The following ZKSCAN5 variants were observed in gnomAD, a reference collection of about 807,000 sequenced individuals.
ZKSCAN5 encodes the protein zinc finger protein with KRAB and SCAN domains 5.
ZKSCAN5 carries 28 observed loss-of-function variants against 60.0 expected under a neutral mutation model. The ratio of observed to expected loss-of-function variants is 0.47; its 90% confidence interval spans 0.35 to 0.64. The LOEUF (loss-of-function observed/expected upper bound fraction) is 0.64, where lower values mean the gene tolerates loss of function less well. Among genes scored for constraint, ZKSCAN5 ranks in the 30% least tolerant of loss-of-function variants. ZKSCAN5 has a pLI of 0.01. For missense variants in ZKSCAN5, 881 were observed against 1,034.6 expected (o/e 0.85, Z 2.04); for synonymous variants, 361 against 371.2 (o/e 0.97, Z 0.31).
rs748642564 is a variant in ZKSCAN5, at chr7:99,526,297, G to A, written c.1257G>A (p.Gln419=). The change falls in exon 6 of 7, where the codon CAG becomes CAA. Residue 419 remains glutamine, a synonymous_variant. Coordinates refer to ENST00000326775, the MANE Select transcript of ZKSCAN5 (RefSeq NM_145102.4). ...TCCGGGTGAGTTCCCACCTGGTTCA[G>A]CACCACAGTGTCCACAGCGGAGAGA... ...KAFRVSSHLV[Q]HHSVHSGERP... 7 of 1,612,676 alleles carry A rather than the reference G, an allele frequency of 4.3e-6. No individual in the cohort carries two copies. Among genetic ancestry groups the A allele is most frequent in the African/African-American group, 4.0e-5 (3 of 74,926 alleles).
intron 3 of ZKSCAN5, among the ~76,000 whole-genome samples, chr7:99,517,984 T>A (rs1309850948): frequency 6.6e-6 from 1 of 152,040 alleles, no homozygotes; most frequent in African/African-American, 2.4e-5. Flanking sequence ...ATTCCTGAGA[T>A]GGGCAGAGAG....
chr7:99,512,497 T>A lies in ZKSCAN5; in HGVS notation c.459T>A (p.Pro153=), dbSNP rs1801079461. The A allele has an allele frequency of 2.2e-5, 36 of 1,614,020 alleles. No individual in the cohort carries two copies. Among genetic ancestry groups the A allele is most frequent in the Non-Finnish European group, 3.0e-5 (35 of 1,179,910 alleles). ...TGCTTCCTCGGAAGATGGCAACACC[T>A]GGAGCAGTGCAGGAGTCCTGCAGCC... ...PDVLPRKMAT[P]GAVQESCSPH... The change falls in exon 3 of 7, where the codon CCT becomes CCA. Residue 153 remains proline (P), a synonymous_variant. Coordinates refer to ENST00000326775, the MANE Select transcript of ZKSCAN5 (RefSeq NM_145102.4).
chr7:99,524,965 G>A (rs908081503), intron 5 of ZKSCAN5, among the ~76,000 whole-genome samples: 2 of 150,276 alleles, frequency 1.3e-5, no homozygotes, highest in African/African-American at 2.5e-5. Context: ...TCAGGAGTTC[G>A]AGACCACCTG....
At chr7:99,511,503 G>C (rs1475735980) in intron 2 of ZKSCAN5, among the ~76,000 whole-genome samples, 1 of 151,998 alleles carries the variant, frequency 6.6e-6, no homozygotes, top group Non-Finnish European at 1.5e-5. Context: ...GAGTGCAGTG[G>C]TGTGTCATAG....
At chr7:99,522,891 G>A (rs1205576778) in intron 5 of ZKSCAN5, among the ~76,000 whole-genome samples, 3 of 147,292 alleles carry the variant, frequency 2.0e-5, no homozygotes, top group East Asian at 2.0e-4. Context: ...AGGCTGGGCC[G>A]TGGTGTCTCA....
chr7:99,514,440 T>C (rs1165348641), intron 3 of ZKSCAN5, among the ~76,000 whole-genome samples: 1 of 152,220 alleles, frequency 6.6e-6, no homozygotes, highest in Non-Finnish European at 1.5e-5. Context: ...TTTGGAATTC[T>C]CAACCGTGTT....
intron 6 of ZKSCAN5, among the ~76,000 whole-genome samples, chr7:99,526,677 C>T (rs1801810281): frequency 6.6e-6 from 1 of 152,202 alleles, no homozygotes; most frequent in South Asian, 2.1e-4. Context: ...GCCTCAGCCT[C>T]CCAAGTAGCT....
At chr7:99,510,183 G>A (rs1038180040) in intron 2 of ZKSCAN5, among the ~76,000 whole-genome samples, 5 of 150,646 alleles carry the variant, frequency 3.3e-5, no homozygotes, top group Non-Finnish European at 4.4e-5. Context: ...ATCCTCCTGC[G>A]TTGGCCTCCC....
Position 99,506,142 on chromosome 7 carries a change from A to C in ZKSCAN5, c.98A>C (p.Glu33Ala), listed in dbSNP as rs1199727968. The C allele has an allele frequency of 1.2e-6, 2 of 1,614,072 alleles. No individual in the cohort carries two copies. The highest frequency in any genetic ancestry group is 1.7e-6 in the Non-Finnish European group (2 of 1,180,048). Residue 33 changes from glutamate (E) to alanine (A), a missense_variant, in exon 2 of 7, where the codon GAA (glutamate) becomes GCA (alanine). Coordinates refer to ENST00000326775, the MANE Select transcript of ZKSCAN5 (RefSeq NM_145102.4). Reference protein sequence around the residue: ...EDLFIVKVEEEDCTWMQEYNP... With the variant: ...EDLFIVKVEEADCTWMQEYNP... ...CTTTTCATAGTGAAGGTGGAAGAAGAAGACTGCACCTGGATGCAGGAGTAC... is the reference window on the plus strand; with the variant it reads ...CTTTTCATAGTGAAGGTGGAAGAAGCAGACTGCACCTGGATGCAGGAGTAC...
rs778604339 is a variant in ZKSCAN5, at chr7:99,533,361, G to T, written c.*1112G>T. 33 of 599,066 alleles carry T rather than the reference G, an allele frequency of 5.5e-5. No individual in the cohort carries two copies. Among genetic ancestry groups the T allele is most frequent in the Non-Finnish European group, 9.5e-5 (31 of 325,012 alleles). The allele number at this position is 599,066 out of a possible 1,614,324, so 37.1% of individuals were successfully genotyped here. ...GTGTGAGAGAGTTCTGAGCCTGTTT[G>T]CTAGGGAGAGTGAGTGAGTGCTCTT... On this transcript the variant is annotated 3_prime_UTR_variant, in exon 7 of 7. Coordinates refer to ENST00000326775, the MANE Select transcript of ZKSCAN5 (RefSeq NM_145102.4).
intron 3 of ZKSCAN5, among the ~76,000 whole-genome samples, chr7:99,519,143 T>C (rs1801403913): frequency 6.6e-6 from 1 of 151,100 alleles, no homozygotes; most frequent in South Asian, 2.1e-4. Flanking sequence ...ACCCGGCTAA[T>C]TTTTGTATTT....
rs771135310 is a variant in ZKSCAN5 at position 99,506,085 on chromosome 7, C to A, written c.41C>A (p.Pro14His). Residue 14 changes from proline (P) to histidine (H), a missense_variant, in exon 2 of 7, where the codon CCC (proline) becomes CAC (histidine). Pro to His is a moderately conservative substitution (Grantham distance 77). This residue lies in a region of ZKSCAN5 where 88 missense variants were observed against 65.2 expected (regional missense o/e 1.35). Transcript: ENST00000326775. ...TESREVIDLD[P>H]PAETSQEQED... is the part of the protein sequence containing the mutation. Reference sequence around the variant, plus strand: ...TCCCGAGAAGTTATAGACTTAGACCCCCCAGCTGAGACTTCCCAGGAGCAG... The same window carrying A: ...TCCCGAGAAGTTATAGACTTAGACCACCCAGCTGAGACTTCCCAGGAGCAG... 6.2e-7 allele frequency: 1 copy of A among 1,614,136 alleles called. No homozygotes were observed. Among genetic ancestry groups the A allele is most frequent in the Non-Finnish European group, 8.5e-7 (1 of 1,180,026 alleles).
In ZKSCAN5 at chr7:99,525,928, T is replaced by C; in HGVS notation, c.888T>C (p.Phe296=). 1 of 1,614,028 alleles carries C rather than the reference T, an allele frequency of 6.2e-7. No individual in the cohort carries two copies. Among genetic ancestry groups the C allele is most frequent in the Non-Finnish European group, 8.5e-7 (1 of 1,180,022 alleles). The change falls in exon 6 of 7, where the codon TTT becomes TTC. Residue 296 remains phenylalanine, a synonymous_variant. Coordinates refer to ENST00000326775, the MANE Select transcript of ZKSCAN5 (RefSeq NM_145102.4). ...TERSVPQDPD[F]AEVSDLKGMV... The stretch of plus-strand genomic sequence containing the variant: ...GGAGCGTTCCTCAGGATCCAGACTT[T>C]GCAGAAGTCAGTGACCTTAAAGGCA...
In ZKSCAN5 at chr7:99,531,092, T is replaced by C; in HGVS notation, c.1379-16T>C. 6.4e-7 allele frequency: 1 copy of C among 1,560,950 alleles called. No individual in the cohort carries two copies. The highest frequency in any genetic ancestry group is 8.6e-7 in the Non-Finnish European group (1 of 1,159,838). ...AAGAACTGATGACATTTTCACTTGC[T>C]CTTTATTTTTTTTAGGCAGTGACAA... On this transcript the variant is annotated splice_polypyrimidine_tract_variant and intron_variant, in intron 6 of 6. Transcript: ENST00000326775.
intron 5 of ZKSCAN5, among the ~76,000 whole-genome samples, chr7:99,524,211 C>T (rs564556356): frequency 3.3e-5 from 5 of 151,910 alleles, no homozygotes; most frequent in Non-Finnish European, 7.4e-5. Flanking sequence ...GCTGGGATTA[C>T]AGGTGTGTGC....
chr7:99,513,533 A>G (rs1386178270), intron 3 of ZKSCAN5, among the ~76,000 whole-genome samples: 1 of 151,990 alleles, frequency 6.6e-6, no homozygotes, highest in Non-Finnish European at 1.5e-5. Flanking sequence ...AGCTGGGACT[A>G]CAGGTGCCTG....
At chr7:99,529,767 G>A (rs919835511) in intron 6 of ZKSCAN5, among the ~76,000 whole-genome samples, 5 of 151,808 alleles carry the variant, frequency 3.3e-5, no homozygotes, top group Non-Finnish European at 7.4e-5. Context: ...ATGGAGTCTC[G>A]CTGTGTTGCC....
intron 5 of ZKSCAN5, 121 bp from the exon 6 acceptor site, chr7:99,525,690 TAA>T (rs1801745902): frequency 1.5e-6 from 2 of 1,354,450 alleles, no homozygotes; most frequent in South Asian, 2.9e-5. Flanking sequence ...CCCTGTACTG[TAA>T]AAGTCCCTTT....
Position 99,532,425 on chromosome 7 carries a change from T to C in ZKSCAN5, c.*176T>C, listed in dbSNP as rs1257163357. The C allele has an allele frequency of 2.0e-6, 1 of 511,754 alleles. No individual in the cohort carries two copies. The highest frequency in any genetic ancestry group is 3.2e-5 in the East Asian group (1 of 30,988). The allele number at this position is 511,754 out of a possible 1,614,324, so 31.7% of individuals were successfully genotyped here. A position where few individuals can be genotyped will look rare whatever the true frequency, so the allele number is the denominator to read the frequency against. On this transcript the variant is annotated 3_prime_UTR_variant, in exon 7 of 7. Coordinates refer to ENST00000326775, the MANE Select transcript of ZKSCAN5 (RefSeq NM_145102.4). ...GGAGAACCCACAATAATAGAAATCTTTTCGTGTTCCCCATTGAGAAATGCT... is the reference window on the plus strand; with the variant it reads ...GGAGAACCCACAATAATAGAAATCTCTTCGTGTTCCCCATTGAGAAATGCT...
Sources: gnomAD v4.1 joint callset for allele counts (sites outside exome capture counted in the v4.1 genomes callset) on GRCh38, gnomAD v4.1.1 for gene constraint, gnomAD v4.1.1 regional missense constraint, MANE v1.5 for transcripts, NCBI Gene and HGNC (gene_info 2026-07-23, HGNC 2026-07-21) for gene names.